SGCD: variants seen among roughly 807,000 people sequenced by gnomAD.
The protein encoded by SGCD is sarcoglycan delta, also known as delta-sarcoglycan.
SGCD carries 18 observed loss-of-function variants against 36.6 expected under a neutral mutation model. The ratio of observed to expected loss-of-function variants is 0.49; its 90% CI spans 0.34 to 0.73. SGCD has a LOEUF of 0.73. Among genes scored for constraint, SGCD ranks in the 30% least tolerant of loss-of-function variants. SGCD has a pLI of 0.01. For synonymous variants in SGCD, 133 were observed against 130.6 expected (o/e 1.02, Z -0.12); for missense variants, 387 against 346.7 (o/e 1.12, Z -0.92).
intron 2 of SGCD, among the ~76,000 whole-genome samples, chr5:156,122,673 G>A (rs1422046629): frequency 2.0e-5 from 3 of 151,560 alleles, no homozygotes; most frequent in Non-Finnish European, 4.4e-5. Context: ...TATGGCCATT[G>A]CAACAACTTT....
chr5:156,712,899 T>C (rs564589519), intron 7 of SGCD, among the ~76,000 whole-genome samples: 14 of 152,318 alleles, frequency 9.2e-5, no homozygotes, highest in African/African-American at 2.9e-4. Context: ...ATGAGTTTAC[T>C]TGTTATCTAT....
At chr5:156,528,477 G>A (rs1211147804) in intron 4 of SGCD, among the ~76,000 whole-genome samples, 3 of 152,066 alleles carry the variant, frequency 2.0e-5, no homozygotes, top group African/African-American at 7.2e-5. Flanking sequence ...TTGAATGAAT[G>A]GATGTTCTCT....
intron 3 of SGCD, among the ~76,000 whole-genome samples, chr5:156,152,241 A>C (rs1762850985): frequency 6.6e-6 from 1 of 151,606 alleles, no homozygotes; most frequent in Non-Finnish European, 1.5e-5. Flanking sequence ...TTCTTTGACT[A>C]AGACATTGAC....
intron 3 of SGCD, among the ~76,000 whole-genome samples, chr5:156,479,620 A>G (rs777298751): frequency 6.6e-6 from 1 of 152,166 alleles, no homozygotes; most frequent in Non-Finnish European, 1.5e-5. Context: ...CATCTTACCT[A>G]TGCTCACAAC....
chr5:156,037,471 A>G (rs558583105), intron 1 of SGCD, among the ~76,000 whole-genome samples: 2 of 152,282 alleles, frequency 1.3e-5, no homozygotes, highest in African/African-American at 4.8e-5. Flanking sequence ...TCAGGTCCTA[A>G]TTCCCTAAAC....
At chr5:156,257,291 G>A (rs951382030) in intron 3 of SGCD, among the ~76,000 whole-genome samples, 3 of 151,746 alleles carry the variant, frequency 2.0e-5, no homozygotes, top group East Asian at 2.0e-4. Context: ...TGGCTAACAC[G>A]GTGAAACCCC....
chr5:155,800,068 C>T, the SGCD span, among the ~76,000 whole-genome samples: 1 of 152,054 alleles, frequency 6.6e-6, no homozygotes, highest in Non-Finnish European at 1.5e-5. Context: ...ATACACCTGC[C>T]TTGGGCTCTC....
At chr5:156,349,010 T>A (rs1454518628) in intron 3 of SGCD, among the ~76,000 whole-genome samples, 1 of 151,884 alleles carries the variant, frequency 6.6e-6, no homozygotes, top group East Asian at 1.9e-4. Context: ...GAAAGGACAC[T>A]CTAATAAGTG....
At chr5:156,564,500 A>G (rs1468698827) in intron 4 of SGCD, among the ~76,000 whole-genome samples, 1 of 152,204 alleles carries the variant, frequency 6.6e-6, no homozygotes, top group Non-Finnish European at 1.5e-5. Flanking sequence ...AATTATACAT[A>G]ATGTAAAACT....
At chr5:156,055,820 G>C (rs1200173825) in intron 1 of SGCD, among the ~76,000 whole-genome samples, 2 of 145,944 alleles carry the variant, frequency 1.4e-5, no homozygotes, top group African/African-American at 4.9e-5. Context: ...AGTCTAAAAA[G>C]TTAATTCATC....
At chr5:156,008,576 G>T (rs1312214352) in intron 1 of SGCD, among the ~76,000 whole-genome samples, 1 of 152,008 alleles carries the variant, frequency 6.6e-6, no homozygotes, top group Non-Finnish European at 1.5e-5. Flanking sequence ...AGGTCTTGCT[G>T]CGTTGCCCAG....
chr5:156,240,569 T>C (rs939279943), intron 3 of SGCD, among the ~76,000 whole-genome samples: 1 of 152,202 alleles, frequency 6.6e-6, no homozygotes, highest in Non-Finnish European at 1.5e-5. Context: ...GGCACCAAGC[T>C]GTACTGTTTG....
At chr5:156,038,178 T>G (rs568312242) in intron 1 of SGCD, among the ~76,000 whole-genome samples, 11 of 152,306 alleles carry the variant, frequency 7.2e-5, no homozygotes, top group African/African-American at 2.4e-4. Context: ...CATCCTTCCC[T>G]GAAATTCATA....
the SGCD span, among the ~76,000 whole-genome samples, chr5:155,766,059 A>G: frequency 6.6e-6 from 1 of 152,112 alleles, no homozygotes; most frequent in Admixed American, 6.5e-5. Flanking sequence ...GGACTGGAAG[A>G]GGCTGGGTTG....
In SGCD at chr5:156,759,404, G is replaced by A; in HGVS notation, c.*14G>A. On this transcript the variant is annotated 3_prime_UTR_variant, in exon 9 of 9. Transcript: ENST00000337851. The stretch of plus-strand genomic sequence containing the variant: ...GTCTGCCTCTGAAAGACTATCCATA[G>A]TGGACATTGTTGGCAGCATAAAGGC... 1.3e-6 allele frequency: 2 copies of A among 1,575,510 alleles called. No homozygotes were observed. The highest frequency in any genetic ancestry group is 1.7e-6 in the Non-Finnish European group (2 of 1,156,484).
In SGCD at chr5:156,767,261, G is replaced by C. The variant is rs549398788; in HGVS notation, c.*7871G>C. 9 of 152,160 alleles carry C rather than the reference G, an allele frequency of 5.9e-5. No homozygotes were observed. In the East Asian group the frequency reaches 1.7e-3, roughly 29 times the overall value. The allele number at this position is 152,160 out of a possible 1,614,324, so 9.4% of individuals were successfully genotyped here. A position where few individuals can be genotyped will look rare whatever the true frequency, so the allele number is the denominator to read the frequency against. On this transcript the variant is annotated 3_prime_UTR_variant, in exon 9 of 9. Coordinates refer to ENST00000337851, the MANE Select transcript of SGCD (RefSeq NM_000337.6). ...ATTTTTATCTAGTCTGTGACGGAGGGAATAAAGTTTTTCATGTATCAACCA... is the reference window on the plus strand; with the variant it reads ...ATTTTTATCTAGTCTGTGACGGAGGCAATAAAGTTTTTCATGTATCAACCA...
chr5:156,481,827 G>A (rs2127839586), intron 3 of SGCD, among the ~76,000 whole-genome samples: 1 of 152,288 alleles, frequency 6.6e-6, no homozygotes, highest in African/African-American at 2.4e-5. Flanking sequence ...CCAGGGCCAA[G>A]GATTTGCTTT....
chr5:156,230,658 G>C (rs375742633), intron 3 of SGCD, among the ~76,000 whole-genome samples: 2 of 151,928 alleles, frequency 1.3e-5, no homozygotes, highest in African/African-American at 4.8e-5. Context: ...TATTCCTGTC[G>C]TCATTCTGAA....
intron 3 of SGCD, chr5:156,458,342 G>A (rs568069755): frequency 5.7e-5 from 64 of 1,128,856 alleles, no homozygotes; most frequent in Admixed American, 6.4e-5. Context: ...CGTGACTGTA[G>A]GTTTTGGGGG....
Sources: gnomAD v4.1 joint callset for allele counts (sites outside exome capture counted in the v4.1 genomes callset) on GRCh38, gnomAD v4.1.1 for gene constraint, MANE v1.5 for transcripts, NCBI Gene and HGNC (gene_info 2026-07-23, HGNC 2026-07-21) for gene names.